Variants in TRIP12 observed in about 807,000 individuals in gnomAD.
The protein encoded by TRIP12 is thyroid hormone receptor interactor 12, also known as E3 ubiquitin-protein ligase TRIP12.
In TRIP12, 25 loss-of-function variants were observed where a neutral mutation model predicts 244.2. That is an observed-to-expected ratio of 0.10 (90% CI 0.07 to 0.14). The LOEUF (loss-of-function observed/expected upper bound fraction) is 0.14, where lower values mean the gene tolerates loss of function less well. Ranked by LOEUF, TRIP12 falls within the 10% of genes least tolerant of loss-of-function variation. The pLI, the probability that TRIP12 is intolerant of heterozygous loss-of-function variation, is 1.00. For missense variants in TRIP12, 1,677 were observed against 2,486.4 expected, an observed-to-expected ratio of 0.67 and a Z score of 6.92; for synonymous variants, 905 against 873.1, an observed-to-expected ratio of 1.04 and a Z score of -0.64.
At chr2:229,795,465 G>A in intron 25 of TRIP12, 135 bp from the exon 26 acceptor site, 1 of 1,055,414 alleles carries the variant, frequency 9.5e-7, no homozygotes, top group South Asian at 1.8e-5. Context: ...TGGCAGATTT[G>A]GTTTGAACGA....
Position 229,795,285 on chromosome 2 carries a change from C to T in TRIP12, c.3862G>A (p.Ala1288Thr), listed in dbSNP as rs1480287128. ...PIGRVEPVGN[A>T]PLLALVHKMN... ...TTGTGAACTAATGCCAACAAAGGTG[C>T]ATTACCCACTGGTTCCACTCTTCCA... Residue 1288 changes from alanine to threonine, a missense_variant, in exon 26 of 42, where the codon GCA (alanine) becomes ACA (threonine). Coordinates refer to ENST00000675903, the MANE Select transcript of TRIP12 (RefSeq NM_001348323.3). The T allele has an allele frequency of 1.2e-6, 2 of 1,613,862 alleles. No homozygotes were observed. Among genetic ancestry groups the T allele is most frequent in the Non-Finnish European group, 1.7e-6 (2 of 1,179,924 alleles).
chr2:229,919,386 G>A (rs1456652761), intron 1 of TRIP12, among the ~76,000 whole-genome samples: 3 of 151,718 alleles, frequency 2.0e-5, no homozygotes, highest in Non-Finnish European at 4.4e-5. Flanking sequence ...CTGCACTCCA[G>A]CCTAGGCGAC....
intron 18 of TRIP12, 67 bp downstream of exon 18, chr2:229,805,663 T>C (rs777101286): frequency 2.6e-5 from 36 of 1,368,562 alleles, no homozygotes; most frequent in Non-Finnish European, 3.3e-5. Flanking sequence ...AGCCAATTAT[T>C]ATTTATTATG....
intron 1 of TRIP12, among the ~76,000 whole-genome samples, chr2:229,910,677 A>G (rs1454096880): frequency 6.6e-6 from 1 of 152,142 alleles, no homozygotes. Context: ...GAAGGAGATT[A>G]TCTTACAGCA....
intron 2 of TRIP12, among the ~76,000 whole-genome samples, chr2:229,868,280 C>T (rs916805410): frequency 2.6e-5 from 4 of 152,204 alleles, no homozygotes; most frequent in Non-Finnish European, 4.4e-5. Context: ...TGGCTTACTG[C>T]AGCCTCAACT....
At chr2:229,790,774 A>G (rs1364145673) in intron 30 of TRIP12, among the ~76,000 whole-genome samples, 1 of 152,212 alleles carries the variant, frequency 6.6e-6, no homozygotes, top group Non-Finnish European at 1.5e-5. Flanking sequence ...TGACAAATAA[A>G]AAATTAGGGG....
chr2:229,835,144 G>C (rs2054477119), intron 6 of TRIP12, among the ~76,000 whole-genome samples: 1 of 152,194 alleles, frequency 6.6e-6, no homozygotes, highest in South Asian at 2.1e-4. Context: ...TGAGTCAGCA[G>C]AGAAATTCCT....
intron 30 of TRIP12, among the ~76,000 whole-genome samples, chr2:229,790,824 G>C (rs897257899): frequency 1.5e-4 from 23 of 152,152 alleles, no homozygotes; most frequent in African/African-American, 5.3e-4. Context: ...CTCTTGTTTA[G>C]TGAACATGTT....
chr2:229,830,875 G>A (rs1244823751), intron 6 of TRIP12, 36 bp from the exon 7 acceptor site: 2 of 1,596,602 alleles, frequency 1.3e-6, no homozygotes, highest in Admixed American at 1.7e-5. Context: ...GTTAGGAGGA[G>A]CACTTAAACA....
chr2:229,796,196 T>C (rs1271121226), intron 25 of TRIP12, among the ~76,000 whole-genome samples: 2 of 152,238 alleles, frequency 1.3e-5, no homozygotes, highest in Non-Finnish European at 2.9e-5. Context: ...GTATTTTATG[T>C]ACAAAACAAG....
Position 229,769,168 on chromosome 2 carries a change from CA to C in TRIP12, c.5903+62del, listed in dbSNP as rs2033147525. The C allele has an allele frequency of 7.8e-6, 11 of 1,406,606 alleles. No individual in the cohort carries two copies. The East Asian group carries it at 2.6e-4, about 33-fold the overall frequency. The allele number at this position is 1,406,606 out of a possible 1,614,324, so 87.1% of individuals were successfully genotyped here. On this transcript the variant is annotated intron_variant, in intron 40 of 41. Transcript: ENST00000675903. ...TTACACATGTGCGCATGTGTGTGTA[CA>C]CACACACCCCTCTCCACATTCTTCA...
At chr2:229,904,303 A>C (rs1440616361) in intron 1 of TRIP12, among the ~76,000 whole-genome samples, 1 of 149,834 alleles carries the variant, frequency 6.7e-6, no homozygotes, top group Non-Finnish European at 1.5e-5. Flanking sequence ...CTGTAGTCCC[A>C]GCTACTTGAA....
chr2:229,865,982 C>T (rs74001441), intron 2 of TRIP12, among the ~76,000 whole-genome samples: 2,294 of 152,248 alleles, frequency 0.015, 51 homozygotes, highest in African/African-American at 0.052. Context: ...AGGAAGCATT[C>T]TGGAAACATA....
intron 1 of TRIP12, among the ~76,000 whole-genome samples, chr2:229,900,270 T>C (rs1273495713): frequency 6.6e-6 from 1 of 152,246 alleles, no homozygotes; most frequent in Non-Finnish European, 1.5e-5. Context: ...TACTTGAATT[T>C]GGTTCTGAAA....
In TRIP12 at chr2:229,793,003, G is replaced by C; in HGVS notation, c.4111C>G (p.Gln1371Glu). 1.2e-6 allele frequency: 2 copies of C among 1,613,798 alleles called. No individual in the cohort carries two copies. The highest frequency in any genetic ancestry group is 1.7e-6 in the Non-Finnish European group (2 of 1,179,854). Reference sequence around the variant, plus strand: ...ACTACAAGGTATCTCTCGATGGCTTGTACCAAAGCCAGAGGGTCAATCTTG... The same window carrying C: ...ACTACAAGGTATCTCTCGATGGCTTCTACCAAAGCCAGAGGGTCAATCTTG... ...PVKIDPLALV[Q>E]AIERYLVVRG... The change falls in exon 27 of 42, where the codon CAA (glutamine) becomes GAA (glutamate). Residue 1371 changes from glutamine to glutamate, a missense_variant. Coordinates refer to ENST00000675903, the MANE Select transcript of TRIP12 (RefSeq NM_001348323.3).
intron 1 of TRIP12, among the ~76,000 whole-genome samples, chr2:229,897,653 A>C (rs2069262427): frequency 6.6e-6 from 1 of 152,212 alleles, no homozygotes; most frequent in African/African-American, 2.4e-5. Context: ...TCTCTAAATA[A>C]ATAAAGATAA....
At chr2:229,803,545 A>G (rs2045042361) in intron 20 of TRIP12, 26 bp downstream of exon 20, 1 of 1,433,646 alleles carries the variant, frequency 7.0e-7, no homozygotes. Context: ...TCTAGACTAA[A>G]TGACTATTAA....
chr2:229,858,941 T>A lies in TRIP12; in HGVS notation c.858A>T (p.Arg286Ser). ...SRSASSPSPR[R>S]SSREKEQSKT... ...TACTCTGTTCCTTTTCCCTGCTACTTCTTCTGGGGCTGGGACTGGACGCTG... is the reference window on the plus strand; with the variant it reads ...TACTCTGTTCCTTTTCCCTGCTACTACTTCTGGGGCTGGGACTGGACGCTG... Residue 286 changes from arginine to serine, a missense_variant, in exon 4 of 42, where the codon AGA (arginine) becomes AGT (serine). Transcript: ENST00000675903. 1 of 1,614,164 alleles carries A rather than the reference T, an allele frequency of 6.2e-7. No individual in the cohort carries two copies. Among genetic ancestry groups the A allele is most frequent in the Non-Finnish European group, 8.5e-7 (1 of 1,180,040 alleles).
In TRIP12 at chr2:229,764,741, T is replaced by C. The variant is rs1041596656; in HGVS notation, c.*2813A>G. The C allele has an allele frequency of 1.3e-5, 2 of 152,232 alleles. No homozygotes were observed. The highest frequency in any genetic ancestry group is 4.8e-5 in the African/African-American group (2 of 41,466). The allele number at this position is 152,232 out of a possible 1,614,324, so 9.4% of individuals were successfully genotyped here. A position where few individuals can be genotyped will look rare whatever the true frequency, so the allele number is the denominator to read the frequency against. ...CTGTGGTAGGATGTATAGGATGCCC[T>C]AGGGAAGTCACTCCACAATACGGAG... On this transcript the variant is annotated 3_prime_UTR_variant, in exon 42 of 42. Transcript: ENST00000675903.
Sources: gnomAD v4.1 joint callset for allele counts (sites outside exome capture counted in the v4.1 genomes callset) on GRCh38, gnomAD v4.1.1 for gene constraint, MANE v1.5 for transcripts, NCBI Gene and HGNC (gene_info 2026-07-23, HGNC 2026-07-21) for gene names.